CPEB1: variants seen among roughly 807,000 people sequenced by gnomAD.
CPEB1 encodes cytoplasmic polyadenylation element-binding protein 1.
Under a neutral mutation model 65.8 loss-of-function variants are expected in CPEB1, and 7 were observed. The ratio of observed to expected loss-of-function variants is 0.11; its 90% CI spans 0.06 to 0.20. The LOEUF (loss-of-function observed/expected upper bound fraction) is 0.20. Ranked by LOEUF, CPEB1 falls within the 10% of genes least tolerant of loss-of-function variation. The pLI, the probability that CPEB1 is intolerant of heterozygous loss-of-function variation, is 1.00. For synonymous variants in CPEB1, 262 were observed against 260.0 expected, an observed-to-expected ratio of 1.01 and a Z score of -0.08; for missense variants, 551 against 712.2, an observed-to-expected ratio of 0.77 and a Z score of 2.58.
At chr15:82,589,840 A>T (rs972259510) in intron 3 of CPEB1, among the ~76,000 whole-genome samples, 1 of 152,246 alleles carries the variant, frequency 6.6e-6, no homozygotes, top group South Asian at 2.1e-4. Flanking sequence ...AAACATGTAC[A>T]GATTTGTCAG....
chr15:82,574,985 GC>G (rs1359315227), intron 3 of CPEB1, among the ~76,000 whole-genome samples: 1 of 152,104 alleles, frequency 6.6e-6, no homozygotes, highest in Admixed American at 6.5e-5. Context: ...CTACAGTAGG[GC>G]AAAATAATTT....
chr15:82,647,774 CG>C (rs2047705236), upstream of CPEB1: 2 of 1,185,874 alleles, frequency 1.7e-6, no homozygotes, highest in Non-Finnish European at 2.1e-6. Flanking sequence ...GGTACCGCGG[CG>C]CCGGACCCGG....
intron 3 of CPEB1, among the ~76,000 whole-genome samples, chr15:82,604,886 A>G (rs889605854): frequency 2.6e-5 from 4 of 152,234 alleles, no homozygotes; most frequent in Admixed American, 6.5e-5. Flanking sequence ...ATTAATCTAC[A>G]TATTCAAAAA....
intron 3 of CPEB1, among the ~76,000 whole-genome samples, chr15:82,600,212 C>T (rs1019704143): frequency 6.6e-6 from 1 of 151,926 alleles, no homozygotes; most frequent in African/African-American, 2.4e-5. Flanking sequence ...GGAGAGTGAC[C>T]GACTTTTGAA....
intron 1 of CPEB1, among the ~76,000 whole-genome samples, chr15:82,639,836 C>CA (rs2046960054): frequency 6.7e-6 from 1 of 149,610 alleles, no homozygotes; most frequent in Admixed American, 6.6e-5. Flanking sequence ...TCCTCAGACA[C>CA]ACACGCGCAA....
intron 1 of CPEB1, among the ~76,000 whole-genome samples, chr15:82,637,809 T>C (rs1314044440): frequency 6.6e-6 from 1 of 152,168 alleles, no homozygotes; most frequent in East Asian, 1.9e-4. Context: ...TCCTTTATAC[T>C]CTTAAAAATT....
intron 3 of CPEB1, among the ~76,000 whole-genome samples, chr15:82,590,226 A>T (rs1006599833): frequency 8.1e-6 from 1 of 122,858 alleles, no homozygotes; most frequent in East Asian, 2.3e-4. Flanking sequence ...AAAAAAAAAA[A>T]AAAAAAAAAA....
chr15:82,583,686 A>G (rs540097802), intron 3 of CPEB1, among the ~76,000 whole-genome samples: 95 of 152,346 alleles, frequency 6.2e-4, no homozygotes, highest in African/African-American at 2.2e-3. Context: ...ATAAGTGTAT[A>G]AAATAGGCAC....
At chr15:82,606,418 C>G (rs925621401) in intron 3 of CPEB1, among the ~76,000 whole-genome samples, 1 of 148,284 alleles carries the variant, frequency 6.7e-6, no homozygotes, top group African/African-American at 2.5e-5. Flanking sequence ...TACAGTGACC[C>G]GAGATGGCAC....
intron 1 of CPEB1, among the ~76,000 whole-genome samples, chr15:82,643,456 C>T (rs587754849): frequency 6.6e-6 from 1 of 152,134 alleles, no homozygotes; most frequent in East Asian, 1.9e-4. Flanking sequence ...ATGGTGAAAC[C>T]CCATCTTAGT....
At chr15:82,592,577 C>CAGAA (rs2042346497) in intron 3 of CPEB1, among the ~76,000 whole-genome samples, 1 of 85,438 alleles carries the variant, frequency 1.2e-5, no homozygotes, top group African/African-American at 3.8e-5. Flanking sequence ...GATATTGTCT[C>CAGAA]AAAAAAAAAA....
In CPEB1 at chr15:82,628,345, A is replaced by C. The variant is rs1455554602; in HGVS notation, c.96+19T>G. On this transcript the variant is annotated intron_variant, in intron 2 of 12. Coordinates refer to ENST00000684509, the MANE Select transcript of CPEB1 (RefSeq NM_001365242.1). ...ATTTCCAAGACATGGACCTTGGAGA[A>C]ATCCAAGAGTTAACATACCAGAGGA... 1 of 702,868 alleles carries C rather than the reference A, an allele frequency of 1.4e-6. No homozygotes were observed. Among genetic ancestry groups the C allele is most frequent in the South Asian group, 1.5e-5 (1 of 67,546 alleles). 43.5% of individuals were successfully genotyped at this position (702,868 alleles called of 1,614,324 possible).
intron 3 of CPEB1, among the ~76,000 whole-genome samples, chr15:82,596,533 A>C (rs1381159356): frequency 1.3e-5 from 2 of 151,938 alleles, no homozygotes; most frequent in Non-Finnish European, 2.9e-5. Flanking sequence ...CCCCGTCTCT[A>C]CTAAAATACA....
intron 10 of CPEB1, 52 bp from the exon 11 acceptor site, chr15:82,547,289 C>CTTTTTT (rs71156035): frequency 2.9e-4 from 112 of 390,344 alleles, no homozygotes; most frequent in Middle Eastern, 7.9e-4. Context: ...CCAAATGCTA[C>CTTTTTT]TTTTTTTTTT....
rs548491431 is a variant in CPEB1 at position 82,551,792 on chromosome 15, G to A, written c.1281+688C>T. On this transcript the variant is annotated intron_variant, in intron 9 of 12. Coordinates refer to ENST00000684509, the MANE Select transcript of CPEB1 (RefSeq NM_001365242.1). ...AAACACTACCCACTAGAACCACCTG[G>A]GGATCTTTATTCAGTTGGAGATTCC... Among the ~76,000 whole-genome samples the A allele has an allele frequency of 7.0e-4, 106 of 152,224 alleles. 1 individual carries two copies. The highest frequency in any genetic ancestry group is 2.3e-3 in the African/African-American group (95 of 41,554).
At chr15:82,614,879 G>A (rs28707607) in intron 3 of CPEB1, among the ~76,000 whole-genome samples, 15,502 of 113,104 alleles carry the variant, frequency 0.14, 1,266 homozygotes, top group African/African-American at 0.25. Flanking sequence ...GTGTGTGTGT[G>A]TATATATATA....
intron 3 of CPEB1, among the ~76,000 whole-genome samples, chr15:82,596,917 T>A (rs1285589716): frequency 6.6e-6 from 1 of 152,192 alleles, no homozygotes; most frequent in East Asian, 1.9e-4. Flanking sequence ...ATACATGCTA[T>A]AGCTTCCCCT....
At chr15:82,599,531 A>G (rs1012711075) in intron 3 of CPEB1, among the ~76,000 whole-genome samples, 2 of 152,152 alleles carry the variant, frequency 1.3e-5, no homozygotes, top group Admixed American at 6.5e-5. Context: ...AAACAAAAAC[A>G]AACAACAACA....
intron 1 of CPEB1, among the ~76,000 whole-genome samples, chr15:82,643,984 AAGTT>A (rs1489866380): frequency 6.6e-6 from 1 of 152,150 alleles, no homozygotes; most frequent in East Asian, 1.9e-4. Flanking sequence ...CAGACAGAAA[AAGTT>A]AGTACTGAAA....
Sources: gnomAD v4.1 joint callset for allele counts (sites outside exome capture counted in the v4.1 genomes callset) on GRCh38, gnomAD v4.1.1 for gene constraint, MANE v1.5 for transcripts, NCBI Gene and HGNC (gene_info 2026-07-23, HGNC 2026-07-21) for gene names.